DEDD2: variants seen among roughly 807,000 people sequenced by gnomAD.
The protein encoded by DEDD2 is DNA-binding death effector domain-containing protein 2.
In DEDD2, 18 loss-of-function variants were observed where a neutral mutation model predicts 28.9. The ratio of observed to expected loss-of-function variants is 0.62; its 90% CI spans 0.43 to 0.92. DEDD2 has a LOEUF of 0.92. Ranked by LOEUF, DEDD2 falls within the 40% of genes least tolerant of loss-of-function variation. The pLI is 0.00. For synonymous variants in DEDD2, 211 were observed against 206.1 expected (o/e 1.02, Z -0.20); for missense variants, 411 against 463.3 (o/e 0.89, Z 1.04).
chr19:42,198,913 G>A lies in DEDD2; in HGVS notation c.*525C>T. The A allele has an allele frequency of 6.5e-6, 1 of 154,200 alleles. No homozygotes were observed. The highest frequency in any genetic ancestry group is 1.4e-5 in the Non-Finnish European group (1 of 69,236). 9.6% of individuals were successfully genotyped at this position (154,200 alleles called of 1,614,324 possible). ...TGGGCAAGGTGAGCAGGCCCCATGT[G>A]CACCCCAGCTCCAGTGCCCACTGAT... On this transcript the variant is annotated 3_prime_UTR_variant, in exon 5 of 5. Coordinates refer to ENST00000596251, the MANE Select transcript of DEDD2 (RefSeq NM_133328.4).
At chr19:42,219,595 C>G (rs1378565419), upstream of DEDD2, among the ~76,000 whole-genome samples, 1 of 152,216 alleles carries the variant, frequency 6.6e-6, no homozygotes, top group African/African-American at 2.4e-5. Flanking sequence ...GAGTGAGACT[C>G]CGTCTCAAAC....
chr19:42,202,330 A>G (rs550553136), intron 4 of DEDD2, among the ~76,000 whole-genome samples: 206 of 152,184 alleles, frequency 1.4e-3, no homozygotes, highest in African/African-American at 4.5e-3. Flanking sequence ...CACTCCAGTC[A>G]CAAGAAAATG....
chr19:42,216,406 G>A (rs2035969800), intron 2 of DEDD2, among the ~76,000 whole-genome samples: 1 of 152,222 alleles, frequency 6.6e-6, no homozygotes, highest in Non-Finnish European at 1.5e-5. Flanking sequence ...GAGACTATAA[G>A]GCACTAGTTC....
At chr19:42,204,221 C>T (rs2035441053) in intron 4 of DEDD2, among the ~76,000 whole-genome samples, 1 of 152,134 alleles carries the variant, frequency 6.6e-6, no homozygotes, top group African/African-American at 2.4e-5. Flanking sequence ...CAGAGATGAA[C>T]CTCACTCAAG....
At chr19:42,206,404 C>T (rs2035536609) in intron 4 of DEDD2, among the ~76,000 whole-genome samples, 1 of 152,170 alleles carries the variant, frequency 6.6e-6, no homozygotes, top group South Asian at 2.1e-4. Flanking sequence ...CACCACAGCA[C>T]AAGCTCAATG....
chr19:42,211,601 A>T (rs953912561), intron 3 of DEDD2, among the ~76,000 whole-genome samples: 3 of 152,184 alleles, frequency 2.0e-5, no homozygotes, highest in Non-Finnish European at 4.4e-5. Context: ...AAGAAACACA[A>T]ATAAAATCTA....
rs2035216636 is a variant in DEDD2, at chr19:42,199,076, C to T, written c.*362G>A. The stretch of plus-strand genomic sequence containing the variant: ...TCAGCAGGGGCAGTGTGAGCATGAG[C>T]GAGTGTGTGCACCTGTGACAGTGCA... On this transcript the variant is annotated 3_prime_UTR_variant, in exon 5 of 5. Transcript: ENST00000596251. The surrounding 1 kb of genome is among the most constrained non-coding windows in gnomAD (Gnocchi z 7.4). The T allele has an allele frequency of 7.9e-6, 2 of 253,774 alleles. No individual in the cohort carries two copies. The highest frequency in any genetic ancestry group is 8.4e-5 in the East Asian group (1 of 11,852). The allele number at this position is 253,774 out of a possible 1,614,324, so 15.7% of individuals were successfully genotyped here. A position where few individuals can be genotyped will look rare whatever the true frequency, so the allele number is the denominator to read the frequency against.
intron 3 of DEDD2, among the ~76,000 whole-genome samples, chr19:42,213,956 G>A (rs537320673): frequency 6.6e-6 from 1 of 152,274 alleles, no homozygotes; most frequent in Non-Finnish European, 1.5e-5. Context: ...TGGTACAGGA[G>A]AATATCCTTA....
intron 1 of DEDD2, 148 bp from the exon 2 acceptor site, chr19:42,217,193 G>A: frequency 3.1e-6 from 2 of 637,504 alleles, no homozygotes; most frequent in Non-Finnish European, 5.4e-6. Context: ...CCCCGGGAGG[G>A]AATGGTCCCG....
Position 42,216,877 on chromosome 19 carries a change from A to C in DEDD2, c.131T>G (p.Leu44Arg). 2.5e-6 allele frequency: 4 copies of C among 1,597,166 alleles called. No homozygotes were observed. Among genetic ancestry groups the C allele is most frequent in the Non-Finnish European group, 3.4e-6 (4 of 1,172,480 alleles). The change falls in exon 2 of 5, where the codon CTC becomes CGC. Residue 44 changes from leucine to arginine, a missense_variant. Around this residue, in one of 2 missense-constraint regions of DEDD2, gnomAD observed 282 missense variants for 273.4 expected, o/e 1.03. Transcript: ENST00000596251. ...GGQLTECELE[L>R]LAFLLDEAPG... ...AGCCTCATCCAGCAGAAAGGCCAGG[A>C]GCTCCAGCTCGCACTCGGTCAGTTG...
upstream of DEDD2, among the ~76,000 whole-genome samples, chr19:42,219,351 A>G (rs1052331092): frequency 6.6e-6 from 1 of 152,092 alleles, no homozygotes; most frequent in African/African-American, 2.4e-5. Flanking sequence ...CTGTAATCCC[A>G]GCACTTTGGG....
intron 4 of DEDD2, chr19:42,201,914 G>A (rs757466426): frequency 2.5e-5 from 10 of 398,220 alleles, no homozygotes; most frequent in Non-Finnish European, 4.0e-5. Flanking sequence ...GGGGCTGGGA[G>A]GAGCAGCACC....
Position 42,216,695 on chromosome 19 carries a change from T to A in DEDD2, c.313A>T (p.Lys105Ter), listed in dbSNP as rs2035983790. Residue 105 changes from lysine (K) to a stop codon, truncating the protein, a stop_gained, in exon 2 of 5, where the codon AAG (lysine) becomes TAG (stop). Transcript: ENST00000596251. LOFTEE classifies it high-confidence loss of function. ...TCAACCGTACCTGGCCGGCGCCGCT[T>A]GCGCGCCAGGTGCGGCAGCAGGTCG... ...RHDLLPHLAR[K>*]RRRPVSPERY... is the part of the protein sequence containing the mutation. 1 of 1,579,900 alleles carries A rather than the reference T, an allele frequency of 6.3e-7. No individual in the cohort carries two copies. Among genetic ancestry groups the A allele is most frequent in the African/African-American group, 1.4e-5 (1 of 73,338 alleles).
At chr19:42,201,902 A>T (rs1170586206) in intron 4 of DEDD2, 4 of 397,750 alleles carry the variant, frequency 1.0e-5, no homozygotes, top group African/African-American at 6.2e-5. Context: ...GTGGGAGAGC[A>T]GGGGGCTGGG....
intron 1 of DEDD2, among the ~76,000 whole-genome samples, 197 bp from the exon 2 acceptor site, chr19:42,217,242 C>G (rs1400776013): frequency 6.6e-6 from 1 of 152,086 alleles, no homozygotes; most frequent in African/African-American, 2.4e-5. Context: ...CGCCGGAGCC[C>G]GCTCGGCTTC....
At chr19:42,210,627 C>T (rs2035719561) in intron 3 of DEDD2, among the ~76,000 whole-genome samples, 2 of 151,940 alleles carry the variant, frequency 1.3e-5, no homozygotes, top group Admixed American at 1.3e-4. Flanking sequence ...CTCCTGACCT[C>T]AAGTGATCCA....
chr19:42,210,688 C>T (rs913519798), intron 3 of DEDD2, among the ~76,000 whole-genome samples: 1 of 152,072 alleles, frequency 6.6e-6, no homozygotes, highest in Non-Finnish European at 1.5e-5. Context: ...AGTCACCAAG[C>T]CCAGCCCCAC....
intron 4 of DEDD2, among the ~76,000 whole-genome samples, chr19:42,207,348 T>TGCAGATGGTAG (rs2035575638): frequency 6.6e-6 from 1 of 152,158 alleles, no homozygotes; most frequent in Non-Finnish European, 1.5e-5. Flanking sequence ...GAGAAAGCTC[T>TGCAGATGGTAG]GCAGATGGTA....
At chr19:42,201,658 T>A (rs2035335878) in intron 4 of DEDD2, 1 of 230,666 alleles carries the variant, frequency 4.3e-6, no homozygotes, top group South Asian at 1.8e-4. Flanking sequence ...GGGCCCCTGC[T>A]CCCCAAGACA....
Sources: allele counts gnomAD v4.1 joint callset (sites outside exome capture counted in the v4.1 genomes callset), GRCh38; gene constraint gnomAD v4.1.1; regional missense constraint gnomAD v4.1.1; non-coding constraint Gnocchi (gnomAD v3.1); transcripts MANE v1.5; gene names NCBI Gene and HGNC (gene_info 2026-07-23, HGNC 2026-07-21).